Variants in ANGPT1 observed in about 807,000 individuals in gnomAD.
ANGPT1 encodes the protein angiopoietin-1.
Under a neutral mutation model 62.2 loss-of-function variants are expected in ANGPT1, and 17 were observed. That is an observed-to-expected ratio of 0.27 (90% CI 0.19 to 0.41). The LOEUF is 0.41. ANGPT1 is among the 10% of genes least tolerant of loss of function. The pLI is 1.00. For synonymous variants in ANGPT1, 199 were observed against 198.9 expected, an observed-to-expected ratio of 1.00 and a Z score of 0.00; for missense variants, 478 against 594.9, an observed-to-expected ratio of 0.80 and a Z score of 2.04.
At chr8:107,281,099 T>G (rs1476373641) in intron 7 of ANGPT1, among the ~76,000 whole-genome samples, 1 of 152,322 alleles carries the variant, frequency 6.6e-6, no homozygotes, top group Admixed American at 6.5e-5. Context: ...TATTTGGAGT[T>G]TCCTTAGAGG....
intron 1 of ANGPT1, among the ~76,000 whole-genome samples, chr8:107,370,329 G>GGAAA (rs1158200332): frequency 3.6e-5 from 1 of 27,964 alleles, no homozygotes; most frequent in African/African-American, 8.3e-5. Context: ...GAAAGAGAAA[G>GGAAA]GAAAGAAAGA....
At chr8:107,256,365 T>C (rs1403011774) in intron 8 of ANGPT1, among the ~76,000 whole-genome samples, 2 of 152,238 alleles carry the variant, frequency 1.3e-5, no homozygotes, top group Admixed American at 6.5e-5. Context: ...TTTGTCCACT[T>C]TCTACCTTTA....
At chr8:107,443,407 T>C (rs944774889) in intron 1 of ANGPT1, among the ~76,000 whole-genome samples, 1 of 152,228 alleles carries the variant, frequency 6.6e-6, no homozygotes, top group African/African-American at 2.4e-5. Flanking sequence ...GAGATTGAGC[T>C]AAGTCATCAT....
rs1814101903 is a variant in ANGPT1, at chr8:107,284,862, T to C, written c.1039-14A>G. 2 of 1,561,920 alleles carry C rather than the reference T, an allele frequency of 1.3e-6. No individual in the cohort carries two copies. Among genetic ancestry groups the C allele is most frequent in the Non-Finnish European group, 8.7e-7 (1 of 1,148,726 alleles). On this transcript the variant is annotated splice_polypyrimidine_tract_variant and intron_variant, in intron 6 of 8. Transcript: ENST00000517746. ...ATTTCCAAAACCCTGGGAAACAATA[T>C]AGAGATGCAGTTGTTACTTTAGAGA...
chr8:107,326,040 T>C (rs547105251), intron 3 of ANGPT1, among the ~76,000 whole-genome samples: 1 of 152,288 alleles, frequency 6.6e-6, no homozygotes, highest in East Asian at 1.9e-4. Context: ...TAACGCACAT[T>C]AGCACGTTAG....
chr8:107,362,438 A>G (rs961379304), intron 1 of ANGPT1, among the ~76,000 whole-genome samples: 1 of 152,230 alleles, frequency 6.6e-6, no homozygotes, highest in African/African-American at 2.4e-5. Flanking sequence ...TAGTAAATTC[A>G]GAATTACTTA....
intron 1 of ANGPT1, among the ~76,000 whole-genome samples, chr8:107,391,718 A>G (rs1037264564): frequency 2.6e-5 from 4 of 152,198 alleles, no homozygotes; most frequent in Non-Finnish European, 4.4e-5. Context: ...ACAGAATCAT[A>G]GATGGGATAG....
Position 107,497,284 on chromosome 8 carries a change from T to C in ANGPT1, c.275A>G (p.Asn92Ser). 2 of 1,614,150 alleles carry C rather than the reference T, an allele frequency of 1.2e-6. No homozygotes were observed. Among genetic ancestry groups the C allele is most frequent in the Non-Finnish European group, 1.7e-6 (2 of 1,180,000 alleles). ...KLQHLEHVME[N>S]YTQWLQKLEN... Reference sequence around the variant, plus strand: ...TACTTTTTGCAGCCACTGAGTATAATTTTCCATCACATGTTCCAGATGTTG... The same window carrying C: ...TACTTTTTGCAGCCACTGAGTATAACTTTCCATCACATGTTCCAGATGTTG... The change falls in exon 1 of 9, where the codon AAT becomes AGT. Residue 92 changes from asparagine to serine, a missense_variant. By Grantham distance (46) the Asn-to-Ser change is conservative. Transcript: ENST00000517746.
intron 1 of ANGPT1, among the ~76,000 whole-genome samples, chr8:107,360,051 C>A (rs1331022523): frequency 6.6e-6 from 1 of 152,128 alleles, no homozygotes; most frequent in Non-Finnish European, 1.5e-5. Context: ...ATAGACATTC[C>A]CCACTGGCTC....
At chr8:107,259,385 G>T (rs1813441525) in intron 8 of ANGPT1, among the ~76,000 whole-genome samples, 4 of 152,068 alleles carry the variant, frequency 2.6e-5, no homozygotes, top group African/African-American at 9.7e-5. Flanking sequence ...TCAACTGTCT[G>T]CTGTTAGCAT....
intron 1 of ANGPT1, among the ~76,000 whole-genome samples, chr8:107,464,040 C>T (rs939172207): frequency 1.3e-5 from 2 of 152,114 alleles, no homozygotes; most frequent in East Asian, 1.9e-4. Context: ...TAATTACATA[C>T]GTGAGAGCCA....
At chr8:107,478,733 G>C (rs1444728409) in intron 1 of ANGPT1, among the ~76,000 whole-genome samples, 2 of 152,050 alleles carry the variant, frequency 1.3e-5, no homozygotes, top group Admixed American at 6.5e-5. Context: ...GCCTACAAAT[G>C]CACAGTGATC....
Position 107,249,698 on chromosome 8 carries a change from TATAA to T in ANGPT1, c.*2153_*2156del, listed in dbSNP as rs1457590951. The T allele has an allele frequency of 6.6e-6, 1 of 152,184 alleles. No individual in the cohort carries two copies. Among genetic ancestry groups the T allele is most frequent in the African/African-American group, 2.4e-5 (1 of 41,456 alleles). 9.4% of individuals were successfully genotyped at this position (152,184 alleles called of 1,614,324 possible). ...CATAAAACATTTTATACTGATTTAT[TATAA>T]ATAATTGGAAACAATATTTCATTTC... On this transcript the variant is annotated 3_prime_UTR_variant, in exon 9 of 9. Coordinates refer to ENST00000517746, the MANE Select transcript of ANGPT1 (RefSeq NM_001146.5).
intron 7 of ANGPT1, among the ~76,000 whole-genome samples, chr8:107,274,445 A>G (rs1379193936): frequency 6.6e-6 from 1 of 152,162 alleles, no homozygotes; most frequent in Non-Finnish European, 1.5e-5. Context: ...TGAACAATGT[A>G]TGCTGTGGGA....
intron 8 of ANGPT1, among the ~76,000 whole-genome samples, chr8:107,253,274 G>C (rs1212688127): frequency 6.6e-6 from 1 of 152,158 alleles, no homozygotes. Flanking sequence ...GGACAAAAAG[G>C]TTCTTGTTTG....
intron 1 of ANGPT1, among the ~76,000 whole-genome samples, chr8:107,481,532 C>CAAAAAAAAAAAAAAAAAAAAA (rs71562147): frequency 4.7e-5 from 3 of 64,316 alleles, no homozygotes; most frequent in East Asian, 3.1e-4. Flanking sequence ...GACTCTGTCT[C>CAAAAAAAAAAAAAAAAAAAAA]AAAAAAAAAA....
intron 1 of ANGPT1, among the ~76,000 whole-genome samples, chr8:107,488,480 C>A (rs2130536205): frequency 6.6e-6 from 1 of 152,282 alleles, no homozygotes; most frequent in Admixed American, 6.5e-5. Flanking sequence ...AGATATTAAA[C>A]TTCTGCGGAA....
intron 4 of ANGPT1, among the ~76,000 whole-genome samples, chr8:107,306,835 A>C (rs1201209930): frequency 6.6e-6 from 1 of 151,986 alleles, no homozygotes; most frequent in Non-Finnish European, 1.5e-5. Flanking sequence ...CCTTGAGGCC[A>C]GGAGTTCAAG....
chr8:107,423,460 C>T (rs1022000736), intron 1 of ANGPT1, among the ~76,000 whole-genome samples: 8 of 152,112 alleles, frequency 5.3e-5, no homozygotes, highest in African/African-American at 1.9e-4. Flanking sequence ...GACCTGGGCC[C>T]CCGAAAGGCC....
Sources: gnomAD v4.1 joint callset for allele counts (sites outside exome capture counted in the v4.1 genomes callset) on GRCh38, gnomAD v4.1.1 for gene constraint, MANE v1.5 for transcripts, NCBI Gene and HGNC (gene_info 2026-07-23, HGNC 2026-07-21) for gene names.